TNRC18: variants seen among roughly 807,000 people sequenced by gnomAD.
TNRC18 encodes trinucleotide repeat containing 18.
A neutral mutation model predicts 226.7 loss-of-function variants in TNRC18; 69 were observed. The observed-to-expected ratio is 0.30, with a 90% CI of 0.25 to 0.37. The LOEUF is 0.37. TNRC18 is among the 10% of genes least tolerant of loss of function. The pLI is 1.00. For synonymous variants in TNRC18, 2,449 were observed against 1,927.6 expected, an observed-to-expected ratio of 1.27 and a Z score of -7.09; for missense variants, 4,754 against 4,256.6, an observed-to-expected ratio of 1.12 and a Z score of -3.25.
chr7:5,353,418 T>G (rs1449455961), intron 16 of TNRC18, among the ~76,000 whole-genome samples: 3 of 151,928 alleles, frequency 2.0e-5, no homozygotes, highest in African/African-American at 7.3e-5. Flanking sequence ...TTGTATTGTA[T>G]TGTAGTGGAC....
rs1243622449 is a variant in TNRC18, at chr7:5,394,415, G to C, written c.343+25C>G. The C allele has an allele frequency of 6.6e-7, 1 of 1,510,262 alleles. No homozygotes were observed. Among genetic ancestry groups the C allele is most frequent in the East Asian group, 2.6e-5 (1 of 38,942 alleles). 93.6% of individuals were successfully genotyped at this position (1,510,262 alleles called of 1,614,324 possible). On this transcript the variant is annotated intron_variant, in intron 3 of 29. Transcript: ENST00000430969. This position sits in a 1 kb window ranked among gnomAD's most constrained non-coding sequence, Gnocchi z 4.5. ...TGGGACGTCAGCCCAGCAGCCCTCAGCCCCGACCCCGGCATGTTCCTTACC... is the reference window on the plus strand; with the variant it reads ...TGGGACGTCAGCCCAGCAGCCCTCACCCCCGACCCCGGCATGTTCCTTACC...
In TNRC18 at chr7:5,384,127, G is replaced by T. The variant is rs151230835; in HGVS notation, c.2152+3545C>A. Among the ~76,000 whole-genome samples the T allele has an allele frequency of 8.8e-3, 1,340 of 152,132 alleles. 17 individuals are homozygous for T. Among genetic ancestry groups the T allele is most frequent in the African/African-American group, 0.03 (1,257 of 41,494 alleles). On this transcript the variant is annotated intron_variant, in intron 5 of 29. Transcript: ENST00000430969. ...TTACAGGTATGTGCCACCACACTTG[G>T]CTAATATTGTATTTTTAGTTAGTAG...
Position 5,377,451 on chromosome 7 carries a change from T to C in TNRC18, c.2381A>G (p.Asp794Gly). The C allele has an allele frequency of 6.3e-7, 1 of 1,585,038 alleles. No individual in the cohort carries two copies. The highest frequency in any genetic ancestry group is 8.6e-7 in the Non-Finnish European group (1 of 1,167,338). ...ALAGSGRWSA[D>G]PAAHLATHPW... ...GTGCGTGGCCAGATGGGCTGCGGGG[T>C]CGGCAGACCAGCGACCTGAGCCCGC... The change falls in exon 7 of 30, where the codon GAC becomes GGC. Residue 794 changes from aspartate (D) to glycine (G), a missense_variant. Physicochemically the swap from Asp to Gly is moderately conservative, Grantham distance 94 (BLOSUM62 -1). Transcript: ENST00000430969. This position sits in a 1 kb window ranked among gnomAD's most constrained non-coding sequence, Gnocchi z 5.8.
intron 2 of TNRC18, among the ~76,000 whole-genome samples, chr7:5,401,421 C>G (rs757387552): frequency 6.6e-6 from 1 of 152,204 alleles, no homozygotes; most frequent in Non-Finnish European, 1.5e-5. Context: ...TGTCTATACC[C>G]TAACTCCTTC....
In TNRC18 at chr7:5,324,187, G is replaced by T. The variant is rs756799583; in HGVS notation, c.6442+27C>A. 5.1e-6 allele frequency: 8 copies of T among 1,573,898 alleles called. No homozygotes were observed. Among genetic ancestry groups the T allele is most frequent in the Non-Finnish European group, 6.9e-6 (8 of 1,163,740 alleles). On this transcript the variant is annotated intron_variant, in intron 21 of 29. Transcript: ENST00000430969. The surrounding 1 kb of genome is among the most constrained non-coding windows in gnomAD (Gnocchi z 4.8). Reference sequence around the variant, plus strand: ...AAGGGAGGCTCCAGCAGCCCCGCCCGGCACATGTGGCATCACGGCCACTCA... The same window carrying T: ...AAGGGAGGCTCCAGCAGCCCCGCCCTGCACATGTGGCATCACGGCCACTCA...
intron 2 of TNRC18, among the ~76,000 whole-genome samples, chr7:5,411,434 C>T (rs1361765633): frequency 6.6e-6 from 1 of 150,394 alleles, no homozygotes; most frequent in Non-Finnish European, 1.5e-5. Context: ...AGGAGAATCA[C>T]CTGAACCCGG....
At chr7:5,310,447 G>T (rs909395114) in intron 27 of TNRC18, among the ~76,000 whole-genome samples, 5 of 152,036 alleles carry the variant, frequency 3.3e-5, no homozygotes, top group Non-Finnish European at 2.9e-5. Context: ...TGTTGGCAGG[G>T]TGGTCTCGAA....
chr7:5,320,834 C>T (rs572163346), intron 22 of TNRC18, among the ~76,000 whole-genome samples: 2 of 152,218 alleles, frequency 1.3e-5, no homozygotes, highest in African/African-American at 2.4e-5. Context: ...GAGGCCAGCA[C>T]GCTCTCTCAC....
Position 5,310,876 on chromosome 7 carries a change from GTGTGTGCACATGTTCATC to G in TNRC18, c.8389-1526_8389-1509del, listed in dbSNP as rs1318455754. On this transcript the variant is annotated intron_variant, in intron 27 of 29. Coordinates refer to ENST00000430969, the MANE Select transcript of TNRC18 (RefSeq NM_001080495.3). ...TGGGTCCTGCCATGTATATGTGCCT[GTGTGTGCACATGTTCATC>G]TGTGCATTTGTGCACGTGTTCATGT... Among the ~76,000 whole-genome samples, 7 of 152,262 alleles carry G rather than the reference GTGTGTGCACATGTTCATC, an allele frequency of 4.6e-5. 1 individual carries two copies. The highest frequency in any genetic ancestry group is 1.0e-4 in the Non-Finnish European group (7 of 68,046).
rs146671073 is a variant in TNRC18 at position 5,356,801 on chromosome 7, A to C, written c.5194+115T>G. The C allele has an allele frequency of 2.0e-3, 2,734 of 1,360,978 alleles. 38 individuals carry two copies. The African/African-American group carries it at 0.027, about 14-fold the overall frequency. 84.3% of individuals were successfully genotyped at this position (1,360,978 alleles called of 1,614,324 possible). On this transcript the variant is annotated intron_variant, in intron 16 of 29. Coordinates refer to ENST00000430969, the MANE Select transcript of TNRC18 (RefSeq NM_001080495.3). ...AGGCACTGTAGTGCGCCCCAGAGAGAGAGCGAGAGCGAGAGAGAGAGTGAG... is the reference window on the plus strand; with the variant it reads ...AGGCACTGTAGTGCGCCCCAGAGAGCGAGCGAGAGCGAGAGAGAGAGTGAG...
At chr7:5,346,012 G>A (rs992025813) in intron 17 of TNRC18, among the ~76,000 whole-genome samples, 4 of 152,226 alleles carry the variant, frequency 2.6e-5, no homozygotes, top group Admixed American at 6.5e-5. Flanking sequence ...TGAGCCCAAC[G>A]CGGGCATCCC....
Position 5,377,726 on chromosome 7 carries a change from C to G in TNRC18, c.2256-150G>C. 9.3e-7 allele frequency: 1 copy of G among 1,080,036 alleles called. No individual in the cohort carries two copies. Among genetic ancestry groups the G allele is most frequent in the South Asian group, 1.6e-5 (1 of 63,498 alleles). The allele number at this position is 1,080,036 out of a possible 1,614,324, so 66.9% of individuals were successfully genotyped here. ...CTGAAGGGCCTCCCGGGGCCTTCCA[C>G]ACTCACTGTAGGGGCAGTGGGGCCA... On this transcript the variant is annotated intron_variant, in intron 6 of 29. Transcript: ENST00000430969. The surrounding 1 kb of genome is among the most constrained non-coding windows in gnomAD (Gnocchi z 5.8).
chr7:5,391,706 GCA>G (rs1218283481), intron 3 of TNRC18, among the ~76,000 whole-genome samples: 1 of 151,196 alleles, frequency 6.6e-6, no homozygotes, highest in East Asian at 2.0e-4. Context: ...ACCTAAGAGA[GCA>G]CACAGAGGCC....
Position 5,422,337 on chromosome 7 carries a change from C to G in TNRC18, c.-243-848G>C, listed in dbSNP as rs571497037. Among the ~76,000 whole-genome samples, 21 of 141,070 alleles carry G rather than the reference C, an allele frequency of 1.5e-4. 1 individual carries two copies. The highest frequency in any genetic ancestry group is 4.6e-4 in the African/African-American group (18 of 39,170). The allele number at this position is 141,070 out of a possible 152,430, so 92.5% of individuals were successfully genotyped here. On this transcript the variant is annotated intron_variant, in intron 1 of 29. Coordinates refer to ENST00000430969, the MANE Select transcript of TNRC18 (RefSeq NM_001080495.3). ...TCGCTCCTACTCTAGCTTCCCCCCC[C>G]ACAACCACCCCCCAAAATAACCTAC...
At chr7:5,343,333 G>A (rs1186335229) in intron 18 of TNRC18, among the ~76,000 whole-genome samples, 1 of 152,154 alleles carries the variant, frequency 6.6e-6, no homozygotes, top group Non-Finnish European at 1.5e-5. Flanking sequence ...CAGCCTGGGT[G>A]ACAAAGCGAG....
At chr7:5,395,833 G>A (rs1279861881) in intron 2 of TNRC18, among the ~76,000 whole-genome samples, 3 of 152,090 alleles carry the variant, frequency 2.0e-5, no homozygotes, top group Non-Finnish European at 4.4e-5. Flanking sequence ...CTACTAAAAA[G>A]ACAAATACAA....
intron 16 of TNRC18, among the ~76,000 whole-genome samples, chr7:5,352,798 G>A (rs1038520713): frequency 6.6e-5 from 10 of 152,218 alleles, no homozygotes; most frequent in African/African-American, 1.4e-4. Flanking sequence ...GGCAGGCAAC[G>A]CTCCGGCCCC....
intron 14 of TNRC18, among the ~76,000 whole-genome samples, chr7:5,360,782 C>T (rs992523353): frequency 6.6e-6 from 1 of 152,146 alleles, no homozygotes; most frequent in Non-Finnish European, 1.5e-5. Flanking sequence ...TCAGAAACAT[C>T]CAAGAATGTT....
At chr7:5,376,542 C>A (rs1221360658) in intron 8 of TNRC18, among the ~76,000 whole-genome samples, 1 of 152,220 alleles carries the variant, frequency 6.6e-6, no homozygotes, top group Non-Finnish European at 1.5e-5. Context: ...TTCTCCCACC[C>A]CTCCCAGTGG....
Sources: allele counts gnomAD v4.1 joint callset (sites outside exome capture counted in the v4.1 genomes callset), GRCh38; gene constraint gnomAD v4.1.1; non-coding constraint Gnocchi (gnomAD v3.1); transcripts MANE v1.5; gene names NCBI Gene and HGNC (gene_info 2026-07-23, HGNC 2026-07-21).